The following NALF1 variants were observed in gnomAD, a reference collection of about 807,000 sequenced individuals.
NALF1 encodes the protein NALCN channel auxiliary factor 1.
NALF1 carries 3 observed loss-of-function variants against 48.4 expected under a neutral mutation model. That is an observed-to-expected ratio of 0.06 (90% confidence interval 0.03 to 0.16). The LOEUF (loss-of-function observed/expected upper bound fraction) is 0.16. Ranked by LOEUF, NALF1 falls within the 10% of genes least tolerant of loss-of-function variation. The probability of loss-of-function intolerance (pLI) is 1.00; values close to 1 mark genes in which losing one functional copy is unlikely to be tolerated. For missense variants in NALF1, 526 were observed against 571.5 expected (o/e 0.92, Z 0.81); for synonymous variants, 262 against 245.7 (o/e 1.07, Z -0.62).
Position 107,210,663 on chromosome 13 carries a change from C to G in NALF1, c.1008G>C (p.Glu336Asp). Residue 336 changes from glutamate to aspartate, a missense_variant, in exon 2 of 3, where the codon GAG (glutamate) becomes GAC (aspartate). Glu to Asp is a conservative substitution (Grantham distance 45, BLOSUM62 2). Transcript: ENST00000375915. ...KTIPCKQYCLEVQTRCPFILP... is the reference protein window; with the variant it reads ...KTIPCKQYCLDVQTRCPFILP... ...ATATAAATGGACACCTCGTCTGAACCTCCAAACAGTATTGCTTGCAAGGAA... is the reference window on the plus strand; with the variant it reads ...ATATAAATGGACACCTCGTCTGAACGTCCAAACAGTATTGCTTGCAAGGAA... 6 of 1,612,386 alleles carry G rather than the reference C, an allele frequency of 3.7e-6. No individual in the cohort carries two copies. Among genetic ancestry groups the G allele is most frequent in the Non-Finnish European group, 4.2e-6 (5 of 1,178,446 alleles).
chr13:107,643,551 G>T (rs934152463), intron 1 of NALF1, among the ~76,000 whole-genome samples: 1 of 147,228 alleles, frequency 6.8e-6, no homozygotes, highest in Non-Finnish European at 1.5e-5. Context: ...GTGGGGGGGG[G>T]GTGAAACGAA....
At chr13:107,847,977 C>G (rs959440489) in intron 1 of NALF1, among the ~76,000 whole-genome samples, 4 of 152,148 alleles carry the variant, frequency 2.6e-5, no homozygotes, top group Non-Finnish European at 4.4e-5. Context: ...AAGAAGAAAT[C>G]AGATATAATA....
intron 1 of NALF1, among the ~76,000 whole-genome samples, chr13:107,613,203 A>C (rs1019443580): frequency 1.3e-5 from 2 of 152,140 alleles, no homozygotes; most frequent in African/African-American, 4.8e-5. Flanking sequence ...TTTTTTCCTA[A>C]TGAAATTGCA....
chr13:107,546,741 T>G (rs1380034169), intron 1 of NALF1, among the ~76,000 whole-genome samples: 3 of 152,156 alleles, frequency 2.0e-5, no homozygotes, highest in Non-Finnish European at 4.4e-5. Flanking sequence ...AAAATTACCT[T>G]TTAGGAAATA....
At chr13:107,702,452 CTT>C (rs755369917) in intron 1 of NALF1, among the ~76,000 whole-genome samples, 3 of 152,026 alleles carry the variant, frequency 2.0e-5, no homozygotes, top group Non-Finnish European at 2.9e-5. Context: ...AAAAAGAGCT[CTT>C]ATATAATTCT....
intron 1 of NALF1, among the ~76,000 whole-genome samples, chr13:107,557,647 G>A (rs555480630): frequency 6.6e-6 from 1 of 152,072 alleles, no homozygotes; most frequent in Non-Finnish European, 1.5e-5. Context: ...CAGAAGCACA[G>A]CCTTTTTGAG....
intron 1 of NALF1, among the ~76,000 whole-genome samples, chr13:107,408,745 G>T (rs555590197): frequency 1.2e-4 from 19 of 152,190 alleles, no homozygotes; most frequent in African/African-American, 4.6e-4. Flanking sequence ...ATTCTACTGA[G>T]AGAGAAAGGC....
chr13:107,500,525 C>A (rs550425421), intron 1 of NALF1, among the ~76,000 whole-genome samples: 1,523 of 150,798 alleles, frequency 0.01, 27 homozygotes, highest in African/African-American at 0.034. Flanking sequence ...ACTAGTTCAA[C>A]CATTGTGGAA....
chr13:107,536,578 A>C (rs1876823460), intron 1 of NALF1, among the ~76,000 whole-genome samples: 1 of 152,196 alleles, frequency 6.6e-6, no homozygotes, highest in Admixed American at 6.5e-5. Context: ...GTCAGGAAAC[A>C]ACAGGAGCTG....
At chr13:107,813,849 C>A (rs1215912520) in intron 1 of NALF1, among the ~76,000 whole-genome samples, 1 of 152,044 alleles carries the variant, frequency 6.6e-6, no homozygotes, top group Non-Finnish European at 1.5e-5. Flanking sequence ...GATTCAAGAT[C>A]ATGAGTTTAA....
intron 1 of NALF1, among the ~76,000 whole-genome samples, chr13:107,326,548 C>T (rs6492047): frequency 0.92 from 139,245 of 152,040 alleles, 63,921 homozygotes; most frequent in South Asian, 0.96. Context: ...AACTGGTCTA[C>T]ACATAGCCAG....
chr13:107,516,511 T>A (rs1876058148), intron 1 of NALF1, among the ~76,000 whole-genome samples: 3 of 152,242 alleles, frequency 2.0e-5, no homozygotes, highest in African/African-American at 7.2e-5. Context: ...TTCAGCTTTA[T>A]TAATGTATGC....
chr13:107,571,421 C>T (rs756913926), intron 1 of NALF1, among the ~76,000 whole-genome samples: 8 of 152,130 alleles, frequency 5.3e-5, no homozygotes, highest in African/African-American at 1.9e-4. Flanking sequence ...GAAACCTCCA[C>T]AAAAACCCTA....
intron 1 of NALF1, among the ~76,000 whole-genome samples, chr13:107,836,672 G>C (rs1879898136): frequency 6.6e-6 from 1 of 152,168 alleles, no homozygotes; most frequent in African/African-American, 2.4e-5. Flanking sequence ...GTACTTAACA[G>C]TATTTTTCTA....
chr13:107,645,082 T>G (rs1880279602), intron 1 of NALF1, among the ~76,000 whole-genome samples: 1 of 152,150 alleles, frequency 6.6e-6, no homozygotes, highest in African/African-American at 2.4e-5. Context: ...TAGACTATTA[T>G]AAATAATGCT....
At chr13:107,266,488 T>C (rs1037225279) in intron 1 of NALF1, among the ~76,000 whole-genome samples, 8 of 152,174 alleles carry the variant, frequency 5.3e-5, no homozygotes, top group African/African-American at 1.9e-4. Context: ...CTTATTTAGG[T>C]TATTTTCTCA....
intron 1 of NALF1, among the ~76,000 whole-genome samples, chr13:107,444,342 G>A (rs1322262466): frequency 6.6e-6 from 1 of 152,130 alleles, no homozygotes; most frequent in Non-Finnish European, 1.5e-5. Context: ...TGATTGATGG[G>A]TTTGAGCTTG....
intron 2 of NALF1, among the ~76,000 whole-genome samples, chr13:107,188,458 T>A (rs1424497914): frequency 3.6e-5 from 3 of 82,644 alleles, no homozygotes; most frequent in African/African-American, 5.1e-5. Context: ...AGTGACCATC[T>A]GCAGAAAGAA....
intron 1 of NALF1, among the ~76,000 whole-genome samples, chr13:107,665,812 A>T (rs1363122961): frequency 4.6e-5 from 7 of 152,154 alleles, no homozygotes; most frequent in Admixed American, 2.6e-4. Context: ...AATGAAAAAG[A>T]TAAACTTTAT....
Sources: allele counts gnomAD v4.1 joint callset (sites outside exome capture counted in the v4.1 genomes callset), GRCh38; gene constraint gnomAD v4.1.1; transcripts MANE v1.5; gene names NCBI Gene and HGNC (gene_info 2026-07-23, HGNC 2026-07-21).